The following ACP6 variants were observed in gnomAD, a reference collection of about 807,000 sequenced individuals.
The protein encoded by ACP6 is acid phosphatase 6, lysophosphatidic, also known as lysophosphatidic acid phosphatase type 6.
Under a neutral mutation model 48.1 loss-of-function variants are expected in ACP6, and 48 were observed. The ratio of observed to expected loss-of-function variants is 1.00; its 90% confidence interval spans 0.79 to 1.27. The LOEUF (loss-of-function observed/expected upper bound fraction) is 1.27, where lower values mean the gene tolerates loss of function less well. ACP6 is among the 50% of genes most tolerant of loss of function. ACP6 has a pLI of 0.00. For synonymous variants in ACP6, 172 were observed against 204.2 expected, an observed-to-expected ratio of 0.84 and a Z score of 1.34; for missense variants, 485 against 529.1, an observed-to-expected ratio of 0.92 and a Z score of 0.82.
rs1469845416 is a variant in ACP6 at position 147,654,223 on chromosome 1, T to A, written c.751A>T (p.Ile251Phe). The A allele has an allele frequency of 6.2e-7, 1 of 1,614,100 alleles. No homozygotes were observed. The highest frequency in any genetic ancestry group is 2.2e-5 in the East Asian group (1 of 44,900). Residue 251 changes from isoleucine to phenylalanine, a missense_variant, in exon 6 of 10, where the codon ATC becomes TTC. Physicochemically the swap from Ile to Phe is conservative, Grantham distance 21. Coordinates refer to ENST00000583509, the MANE Select transcript of ACP6 (RefSeq NM_016361.5). ...TCGGCAGCCACGTTGTCCAGGAGGATGAAGAAGTCCACTTTATCACTACTG... is the reference window on the plus strand; with the variant it reads ...TCGGCAGCCACGTTGTCCAGGAGGAAGAAGAAGTCCACTTTATCACTACTG... ...IDSSDKVDFF[I>F]LLDNVAAEQA... is the part of the protein sequence containing the mutation.
At chr1:147,659,796 C>A (rs145632511) in intron 1 of ACP6, 21 bp from the exon 2 acceptor site, 1 of 1,611,312 alleles carries the variant, frequency 6.2e-7, no homozygotes, top group Non-Finnish European at 8.5e-7. Context: ...AAAAAAAACA[C>A]ACCACATTGT....
Position 147,657,506 on chromosome 1 carries a change from C to T in ACP6, c.559+1454G>A, listed in dbSNP as rs143742004. Among the ~76,000 whole-genome samples, 1,052 of 152,108 alleles carry T rather than the reference C, an allele frequency of 6.9e-3. 6 individuals carry two copies. Among genetic ancestry groups the T allele is most frequent in the African/African-American group, 0.024 (992 of 41,476 alleles). ...TGCGATCTCGGCTCACTGCAACCTC[C>T]GCCTCCCGAGTTCAAACGATTCTCC... On this transcript the variant is annotated intron_variant, in intron 4 of 9. Coordinates refer to ENST00000583509, the MANE Select transcript of ACP6 (RefSeq NM_016361.5).
chr1:147,640,557 A>T (rs1162688362), downstream of ACP6, among the ~76,000 whole-genome samples: 2 of 152,174 alleles, frequency 1.3e-5, no homozygotes, highest in African/African-American at 4.8e-5. Flanking sequence ...CATGAGGGAG[A>T]TGCTATATTA....
At chr1:147,663,810 C>A (rs587601719) in intron 1 of ACP6, among the ~76,000 whole-genome samples, 1 of 152,262 alleles carries the variant, frequency 6.6e-6, no homozygotes, top group East Asian at 1.9e-4. Context: ...CTGCCCATCA[C>A]CTTGTCTTCA....
downstream of ACP6, among the ~76,000 whole-genome samples, chr1:147,638,951 C>G (rs974604887): frequency 6.6e-6 from 1 of 152,290 alleles, no homozygotes; most frequent in Non-Finnish European, 1.5e-5. Context: ...TGACTTCCCA[C>G]GCCCAAGTGA....
chr1:147,634,201 T>G (rs1553207726), intron 5 of ACP6, among the ~76,000 whole-genome samples: 1 of 152,206 alleles, frequency 6.6e-6, no homozygotes, highest in African/African-American at 2.4e-5. Context: ...CTCTGATGAG[T>G]GACGTTGAGC....
At chr1:147,637,367 G>A (rs1553208169), downstream of ACP6, among the ~76,000 whole-genome samples, 1 of 152,178 alleles carries the variant, frequency 6.6e-6, no homozygotes, top group East Asian at 1.9e-4. Context: ...TTTTCCTTAT[G>A]TTGATCTCAA....
chr1:147,655,127 C>T, intron 5 of ACP6, 34 bp downstream of exon 5: 2 of 1,543,422 alleles, frequency 1.3e-6, no homozygotes, highest in Non-Finnish European at 1.8e-6. Flanking sequence ...AAAGGTTGTC[C>T]CCAACTGGTG....
intron 7 of ACP6, chr1:147,651,056 T>C (rs1659892720): frequency 6.6e-6 from 1 of 152,346 alleles, no homozygotes; most frequent in South Asian, 2.1e-4. Flanking sequence ...AAGGTTGCCA[T>C]GATTGGCTTA....
intron 5 of ACP6, among the ~76,000 whole-genome samples, chr1:147,634,029 T>C (rs1051059098): frequency 8.5e-5 from 13 of 152,168 alleles, no homozygotes; most frequent in Non-Finnish European, 1.5e-4. Context: ...AATAACCCCA[T>C]TTCTCCCTCT....
At position 147,645,068 on chromosome 1, in the gene ACP6, C is replaced by T. The variant is rs1371801276; in HGVS notation, c.*2355G>A. ...TCTTGGCTCAGCACAACCTCTGCCT[C>T]CTAGGTTGAAGTGATTCTCCTGCCT... On this transcript the variant is annotated 3_prime_UTR_variant, in exon 10 of 10. Coordinates refer to ENST00000583509, the MANE Select transcript of ACP6 (RefSeq NM_016361.5). The T allele has an allele frequency of 6.6e-6, 1 of 151,512 alleles. No homozygotes were observed. The highest frequency in any genetic ancestry group is 6.6e-5 in the Admixed American group (1 of 15,228). The allele number at this position is 151,512 out of a possible 1,614,324, so 9.4% of individuals were successfully genotyped here.
intron 1 of ACP6, among the ~76,000 whole-genome samples, chr1:147,664,672 C>T (rs1660712849): frequency 6.6e-6 from 1 of 152,182 alleles, no homozygotes. Flanking sequence ...AACAATTTGC[C>T]AGCTCCTGTG....
chr1:147,658,780 C>T (rs1310604906), intron 4 of ACP6, among the ~76,000 whole-genome samples, 180 bp downstream of exon 4: 1 of 152,124 alleles, frequency 6.6e-6, no homozygotes, highest in South Asian at 2.1e-4. Flanking sequence ...GGAGGTCAGG[C>T]TGGCAGGGGC....
At chr1:147,655,118 A>C in intron 5 of ACP6, 43 bp downstream of exon 5, 1 of 1,502,358 alleles carries the variant, frequency 6.7e-7, no homozygotes, top group Middle Eastern at 1.7e-4. Context: ...AAGGTTGTAA[A>C]AGGTTGTCCC....
intron 7 of ACP6, 53 bp from the exon 8 acceptor site, chr1:147,650,291 G>T (rs1553210303): frequency 2.3e-6 from 3 of 1,327,154 alleles, no homozygotes; most frequent in Non-Finnish European, 3.1e-6. Context: ...GCATTCAGGG[G>T]ACACAGACTG....
chr1:147,633,771 A>G (rs112928844), intron 5 of ACP6, among the ~76,000 whole-genome samples: 7 of 152,322 alleles, frequency 4.6e-5, no homozygotes, highest in East Asian at 3.9e-4. Context: ...AAAGCTGGTA[A>G]TATTTTCATC....
chr1:147,658,895 G>C (rs1660387412), intron 4 of ACP6, 65 bp downstream of exon 4: 2 of 1,437,518 alleles, frequency 1.4e-6, no homozygotes, highest in South Asian at 1.3e-5. Flanking sequence ...AAAGAGATAG[G>C]GGCTTCGGAA....
chr1:147,636,193 T>C (rs1659295694), intron 5 of ACP6, among the ~76,000 whole-genome samples: 1 of 152,006 alleles, frequency 6.6e-6, no homozygotes, highest in Non-Finnish European at 1.5e-5. Flanking sequence ...AGATACTGAG[T>C]TATACATGCT....
At chr1:147,634,992 T>C (rs1553207830) in intron 5 of ACP6, among the ~76,000 whole-genome samples, 1 of 152,224 alleles carries the variant, frequency 6.6e-6, no homozygotes, top group Non-Finnish European at 1.5e-5. Context: ...CAAGTACTAA[T>C]AATGATTGCT....
Sources: allele counts gnomAD v4.1 joint callset (sites outside exome capture counted in the v4.1 genomes callset), GRCh38; gene constraint gnomAD v4.1.1; transcripts MANE v1.5; gene names NCBI Gene and HGNC (gene_info 2026-07-23, HGNC 2026-07-21).